The following FGFR1 variants were observed in gnomAD, a reference collection of about 807,000 sequenced individuals.
FGFR1 encodes the protein fibroblast growth factor receptor 1.
Under a neutral mutation model 93.7 loss-of-function variants are expected in FGFR1, and 18 were observed. That is an observed-to-expected ratio of 0.19 (90% CI 0.13 to 0.28). FGFR1 has a LOEUF of 0.28. Among genes scored for constraint, FGFR1 ranks in the 10% least tolerant of loss-of-function variants. The pLI, the probability that FGFR1 is intolerant of heterozygous loss-of-function variation, is 1.00. For synonymous variants in FGFR1, 448 were observed against 429.3 expected, an observed-to-expected ratio of 1.04 and a Z score of -0.54; for missense variants, 731 against 1,080.4, an observed-to-expected ratio of 0.68 and a Z score of 4.53.
chr8:38,467,210 G>A (rs1398984816), intron 1 of FGFR1, among the ~76,000 whole-genome samples: 6 of 151,952 alleles, frequency 3.9e-5, no homozygotes, highest in Non-Finnish European at 7.4e-5. Flanking sequence ...ACCGTGGGTT[G>A]TCCTCCCGTT....
Position 38,424,488 on chromosome 8 carries a change from G to A in FGFR1, c.936+21C>T, listed in dbSNP as rs373562127. 16 of 1,613,904 alleles carry A rather than the reference G, an allele frequency of 9.9e-6. No individual in the cohort carries two copies. The highest frequency in any genetic ancestry group is 1.6e-4 in the Middle Eastern group (1 of 6,084). On this transcript the variant is annotated intron_variant, in intron 7 of 17. Transcript: ENST00000447712. The surrounding 1 kb of genome is among the most constrained non-coding windows in gnomAD (Gnocchi z 4.3). ...TCTCCTTCCCAGTAGACTGGCCCAC[G>A]AAGACTGGTGCCATGATTACCTTCA...
chr8:38,428,975 A>G (rs1821810797), intron 3 of FGFR1: 1 of 302,928 alleles, frequency 3.3e-6, no homozygotes, highest in Non-Finnish European at 6.4e-6. Flanking sequence ...ACCTCTCCCC[A>G]ATAAGTATTT....
chr8:38,438,826 A>G (rs1208992863), intron 2 of FGFR1, among the ~76,000 whole-genome samples: 1 of 151,498 alleles, frequency 6.6e-6, no homozygotes, highest in African/African-American at 2.4e-5. Context: ...CCTGCATCCT[A>G]CCTCCTCCCG....
chr8:38,422,385 A>G, intron 7 of FGFR1: 1 of 385,620 alleles, frequency 2.6e-6, no homozygotes, highest in East Asian at 4.3e-5. Context: ...AGATGCGAGT[A>G]TGCAAGGGAA....
intron 1 of FGFR1, chr8:38,465,677 G>A (rs1186436848): frequency 4.5e-6 from 1 of 224,012 alleles, no homozygotes; most frequent in East Asian, 6.5e-5. Context: ...GAAGGTGGAT[G>A]ACCCGGGCGT....
chr8:38,462,301 C>T (rs944599180), intron 1 of FGFR1, among the ~76,000 whole-genome samples: 3 of 152,032 alleles, frequency 2.0e-5, no homozygotes, highest in Non-Finnish European at 4.4e-5. Context: ...GTCAAGAGGT[C>T]GACACCATCC....
intron 8 of FGFR1, among the ~76,000 whole-genome samples, chr8:38,420,987 A>T (rs1563470588): frequency 6.6e-6 from 1 of 152,238 alleles, no homozygotes; most frequent in East Asian, 1.9e-4. Context: ...CTCTGCCTCC[A>T]GCAGGGGCAT....
chr8:38,456,876 G>A (rs908910289), intron 2 of FGFR1, among the ~76,000 whole-genome samples: 1 of 152,072 alleles, frequency 6.6e-6, no homozygotes, highest in African/African-American at 2.4e-5. Flanking sequence ...TGGCGAAGAT[G>A]TGGCCTTGAA....
At chr8:38,415,020 G>GC (rs1488385133) in intron 13 of FGFR1, 119 bp from the exon 14 acceptor site, 25 of 766,912 alleles carry the variant, frequency 3.3e-5, no homozygotes, top group East Asian at 2.9e-4. Flanking sequence ...ACACTGCTCT[G>GC]CCCCCCGAAC....
Position 38,413,117 on chromosome 8 carries a change from CG to C in FGFR1, c.*510del, listed in dbSNP as rs1814934804. The stretch of plus-strand genomic sequence containing the variant: ...TTTGGTCAGCAAAGCAAACTAGTAT[CG>C]GAATTAATAAGCCACTGGCACCACC... On this transcript the variant is annotated 3_prime_UTR_variant, in exon 18 of 18. Coordinates refer to ENST00000447712, the MANE Select transcript of FGFR1 (RefSeq NM_023110.3). The surrounding 1 kb of genome is among the most constrained non-coding windows in gnomAD (Gnocchi z 4.2). 2 of 240,122 alleles carry C rather than the reference CG, an allele frequency of 8.3e-6. No homozygotes were observed. The allele number at this position is 240,122 out of a possible 1,614,324, so 14.9% of individuals were successfully genotyped here.
chr8:38,428,097 C>T lies in FGFR1; in HGVS notation c.449-4G>A, dbSNP rs1278647720. The stretch of plus-strand genomic sequence containing the variant: ...GATGTCCAATATGGAGCTACGGCTG[C>T]CCGGGGAAAGCCAAGAGAGACAGGC... On this transcript the variant is annotated splice_polypyrimidine_tract_variant and splice_region_variant and intron_variant, in intron 4 of 17. Coordinates refer to ENST00000447712, the MANE Select transcript of FGFR1 (RefSeq NM_023110.3). 1.2e-6 allele frequency: 2 copies of T among 1,613,928 alleles called. No homozygotes were observed. The highest frequency in any genetic ancestry group is 1.7e-6 in the Non-Finnish European group (2 of 1,180,052).
intron 2 of FGFR1, among the ~76,000 whole-genome samples, chr8:38,453,095 C>T (rs1831608018): frequency 6.6e-6 from 1 of 152,214 alleles, no homozygotes; most frequent in Non-Finnish European, 1.5e-5. Context: ...AGCATGAAGC[C>T]AGATCTCCCC....
intron 2 of FGFR1, among the ~76,000 whole-genome samples, chr8:38,450,560 C>T (rs1830731624): frequency 1.3e-5 from 2 of 152,154 alleles, no homozygotes; most frequent in Non-Finnish European, 2.9e-5. Context: ...TCTGCCTGGC[C>T]AGGAGCAAAC....
chr8:38,417,686 G>C (rs1817183798), intron 11 of FGFR1, among the ~76,000 whole-genome samples, 184 bp downstream of exon 11: 1 of 152,158 alleles, frequency 6.6e-6, no homozygotes, highest in Non-Finnish European at 1.5e-5. Context: ...CCAAGGAACA[G>C]AGTGACGTCA....
At chr8:38,417,567 C>T (rs1817129137) in intron 11 of FGFR1, 151 bp from the exon 12 acceptor site, 10 of 786,870 alleles carry the variant, frequency 1.3e-5, no homozygotes, top group Non-Finnish European at 1.9e-5. Context: ...TCTTCCCTCT[C>T]ATGGGAGCCG....
In FGFR1 at chr8:38,426,237, A is replaced by G. The variant is rs1400969239; in HGVS notation, c.630T>C (p.Tyr210=). The G allele has an allele frequency of 5.0e-6, 8 of 1,614,076 alleles. No individual in the cohort carries two copies. Among genetic ancestry groups the G allele is most frequent in the Admixed American group, 1.7e-5 (1 of 60,008 alleles). ...DHRIGGYKVR[Y]ATWSIIMDSV... Reference sequence around the variant, plus strand: ...AGTCCATTATGATGCTCCAGGTGGCATAACGGACCTGAGGGGAAATGCCAA... The same window carrying G: ...AGTCCATTATGATGCTCCAGGTGGCGTAACGGACCTGAGGGGAAATGCCAA... Residue 210 remains tyrosine, a synonymous_variant, in exon 6 of 18, where the codon TAT becomes TAC. Coordinates refer to ENST00000447712, the MANE Select transcript of FGFR1 (RefSeq NM_023110.3). The surrounding 1 kb of genome is among the most constrained non-coding windows in gnomAD (Gnocchi z 4.1).
Position 38,424,127 on chromosome 8 carries a change from G to C in FGFR1, c.936+382C>G, listed in dbSNP as rs535182121. 5.5e-6 allele frequency: 2 copies of C among 366,336 alleles called. No individual in the cohort carries two copies. The highest frequency in any genetic ancestry group is 7.7e-5 in the Admixed American group (2 of 26,124). The allele number at this position is 366,336 out of a possible 1,614,324, so 22.7% of individuals were successfully genotyped here. On this transcript the variant is annotated intron_variant, in intron 7 of 17. Transcript: ENST00000447712. This position sits in a 1 kb window ranked among gnomAD's most constrained non-coding sequence, Gnocchi z 4.3. ...ATGCACCCCATTTGCCAGAAAGATCGTACGTAACTCAGGACACAGGGCTAA... is the reference window on the plus strand; with the variant it reads ...ATGCACCCCATTTGCCAGAAAGATCCTACGTAACTCAGGACACAGGGCTAA...
chr8:38,444,051 CAAAAAAAAA>C (rs746296068), intron 2 of FGFR1, among the ~76,000 whole-genome samples: 4 of 74,340 alleles, frequency 5.4e-5, no homozygotes, highest in East Asian at 4.6e-4. Context: ...GAAACTGTCT[CAAAAAAAAA>C]AAAAAAAAAA....
chr8:38,438,136 G>A (rs1427080110), intron 2 of FGFR1, among the ~76,000 whole-genome samples: 4 of 152,190 alleles, frequency 2.6e-5, no homozygotes, highest in Admixed American at 1.3e-4. Context: ...GGAAACTTAT[G>A]AGGTTGATCC....
Sources: gnomAD v4.1 joint callset for allele counts (sites outside exome capture counted in the v4.1 genomes callset) on GRCh38, gnomAD v4.1.1 for gene constraint, Gnocchi (gnomAD v3.1) non-coding constraint, MANE v1.5 for transcripts, NCBI Gene and HGNC (gene_info 2026-07-23, HGNC 2026-07-21) for gene names.